CEP95: variants seen among roughly 807,000 people sequenced by gnomAD.
CEP95 encodes the protein centrosomal protein 95.
Under a neutral mutation model 111.2 loss-of-function variants are expected in CEP95, and 98 were observed. That is an observed-to-expected ratio of 0.88 (90% confidence interval 0.75 to 1.04). CEP95 has a LOEUF of 1.04. Ranked by LOEUF, CEP95 falls within the 50% of genes least tolerant of loss-of-function variation. The pLI, the probability that CEP95 is intolerant of heterozygous loss-of-function variation, is 0.00. For missense variants in CEP95, 1,027 were observed against 977.2 expected (o/e 1.05, Z -0.68); for synonymous variants, 323 against 327.1 (o/e 0.99, Z 0.14).
chr17:64,532,156 G>A (rs1968326592), intron 14 of CEP95, 134 bp downstream of exon 14: 1 of 1,362,752 alleles, frequency 7.3e-7, no homozygotes, highest in African/African-American at 1.5e-5. Context: ...CCCAATCACT[G>A]CCATGTGGCT....
intron 11 of CEP95, 62 bp downstream of exon 11, chr17:64,527,326 C>A: frequency 1.6e-6 from 2 of 1,278,976 alleles, no homozygotes; most frequent in Non-Finnish European, 2.1e-6. Context: ...GCAGTTCCAT[C>A]TGTTCTTAAT....
At chr17:64,515,514 A>G (rs2039094757) in intron 4 of CEP95, among the ~76,000 whole-genome samples, 1 of 152,158 alleles carries the variant, frequency 6.6e-6, no homozygotes, top group South Asian at 2.1e-4. Flanking sequence ...GTGCCTGGCT[A>G]ATGATATGGC....
At chr17:64,526,658 C>T (rs1468751923) in intron 10 of CEP95, among the ~76,000 whole-genome samples, 2 of 152,008 alleles carry the variant, frequency 1.3e-5, no homozygotes, top group African/African-American at 4.8e-5. Flanking sequence ...TGATATACAC[C>T]TTTTTAAAAC....
intron 10 of CEP95, among the ~76,000 whole-genome samples, chr17:64,526,611 T>TAGA (rs1967842458): frequency 4.6e-5 from 7 of 152,190 alleles, no homozygotes; most frequent in Admixed American, 2.6e-4. Context: ...TACGTGACTT[T>TAGA]TTCTAAAGTT....
intron 3 of CEP95, among the ~76,000 whole-genome samples, chr17:64,511,847 T>C (rs1182838170): frequency 1.3e-5 from 2 of 152,224 alleles, no homozygotes; most frequent in East Asian, 1.9e-4. Context: ...AACTAATAAA[T>C]GTCCATGAAA....
Position 64,536,675 on chromosome 17 carries a change from A to G in CEP95, c.2144A>G (p.Lys715Arg), listed in dbSNP as rs1968678997. 2 of 1,613,412 alleles carry G rather than the reference A, an allele frequency of 1.2e-6. No individual in the cohort carries two copies. The highest frequency in any genetic ancestry group is 1.7e-6 in the Non-Finnish European group (2 of 1,179,720). The change falls in exon 18 of 20, where the codon AAA becomes AGA. Residue 715 changes from lysine to arginine, a missense_variant. Transcript: ENST00000556440. ...QRLRDLRNYA[K>R]EKRDEQRRRH... ...TTACGAGACCTAAGAAACTATGCCA[A>G]AGAAAAGCGAGATGAACAAAGGAGA...
chr17:64,533,162 A>C lies in CEP95; in HGVS notation c.1888A>C (p.Lys630Gln), dbSNP rs781940766. The C allele has an allele frequency of 3.1e-6, 5 of 1,590,510 alleles. No homozygotes were observed. The highest frequency in any genetic ancestry group is 2.0e-5 in the Admixed American group (1 of 50,784). ...RRHDLLTTLV[K>Q]KEYEHNKRLQ... ...GCATGACCTCCTTACTACCCTTGTC[A>C]AGAAAGAATATGAACATAACAAGAG... The change falls in exon 16 of 20, where the codon AAG (lysine) becomes CAG (glutamine). Residue 630 changes from lysine to glutamine, a missense_variant. By Grantham distance (53) the Lys-to-Gln change is moderately conservative. Transcript: ENST00000556440.
intron 1 of CEP95, chr17:64,507,375 A>G: frequency 7.1e-7 from 1 of 1,403,100 alleles, no homozygotes; most frequent in Admixed American, 3.1e-5. Flanking sequence ...CTGGCTGTAA[A>G]AAGAGCGGTC....
At chr17:64,534,999 T>G in intron 17 of CEP95, 2 of 428,424 alleles carry the variant, frequency 4.7e-6, no homozygotes, top group Non-Finnish European at 8.7e-6. Context: ...CAGGTACTTC[T>G]CCAGTAAAAC....
At chr17:64,506,850 G>C (rs2038557550), upstream of CEP95, 3 of 608,932 alleles carry the variant, frequency 4.9e-6, no homozygotes, top group Admixed American at 8.1e-5. Context: ...ACGGGTTTTG[G>C]TCGGCGGAGA....
chr17:64,532,729 C>T (rs1555680558), intron 14 of CEP95, 110 bp from the exon 15 acceptor site: 1 of 1,465,084 alleles, frequency 6.8e-7, no homozygotes, highest in African/African-American at 1.4e-5. Context: ...TAGAATTGTT[C>T]TTTTCAGGAT....
Position 64,510,168 on chromosome 17 carries a change from C to A in CEP95, c.149-5C>A, listed in dbSNP as rs782167947. The A allele has an allele frequency of 3.8e-6, 6 of 1,572,378 alleles. No homozygotes were observed. The highest frequency in any genetic ancestry group is 5.2e-6 in the Non-Finnish European group (6 of 1,146,554). ...ACAAAATTATGTGATTTTTTCCCCC[C>A]CCAGACCTCATAGTTATTCCTAGGA... On this transcript the variant is annotated splice_polypyrimidine_tract_variant and splice_region_variant and intron_variant, in intron 2 of 19. Transcript: ENST00000556440.
At chr17:64,533,381 A>C (rs1555680860) in intron 16 of CEP95, among the ~76,000 whole-genome samples, 190 bp downstream of exon 16, 1 of 152,098 alleles carries the variant, frequency 6.6e-6, no homozygotes, top group Non-Finnish European at 1.5e-5. Context: ...GGCTGAGGTG[A>C]GAGGATCACT....
intron 10 of CEP95, among the ~76,000 whole-genome samples, chr17:64,526,404 C>A (rs1195218350): frequency 1.3e-5 from 2 of 152,080 alleles, no homozygotes; most frequent in Admixed American, 1.3e-4. Flanking sequence ...CAGATTTATC[C>A]AAATTTTATT....
At chr17:64,520,160 G>A (rs1555677294) in intron 6 of CEP95, among the ~76,000 whole-genome samples, 1 of 152,220 alleles carries the variant, frequency 6.6e-6, no homozygotes. Flanking sequence ...GATTGGGAAT[G>A]GAAGGGATGG....
chr17:64,534,646 G>T lies in CEP95; in HGVS notation c.1979G>T (p.Arg660Leu). 6.2e-7 allele frequency: 1 copy of T among 1,613,762 alleles called. No individual in the cohort carries two copies. Among genetic ancestry groups the T allele is most frequent in the South Asian group, 1.1e-5 (1 of 91,052 alleles). ...ACCCAATCAAAGATAAAAGAAAATC[G>T]ACAGCAAATCGTTCGTGCTCGAAAA... ...RLTQSKIKEN[R>L]QQIVRARKYY... Residue 660 changes from arginine (R) to leucine (L), a missense_variant, in exon 17 of 20, where the codon CGA becomes CTA. Physicochemically the swap from Arg to Leu is moderately radical, Grantham distance 102. Transcript: ENST00000556440.
chr17:64,515,097 G>A (rs1422619049), intron 4 of CEP95, among the ~76,000 whole-genome samples: 1 of 152,132 alleles, frequency 6.6e-6, no homozygotes, highest in African/African-American at 2.4e-5. Flanking sequence ...TTACTAAACT[G>A]TTTAAAAACT....
chr17:64,517,159 G>A (rs1210293797), intron 5 of CEP95, among the ~76,000 whole-genome samples: 7 of 152,220 alleles, frequency 4.6e-5, no homozygotes, highest in African/African-American at 1.7e-4. Context: ...GGATTCTCCT[G>A]CCTCAGCCTC....
chr17:64,516,947 A>C, intron 5 of CEP95, 119 bp downstream of exon 5: 1 of 577,848 alleles, frequency 1.7e-6, no homozygotes, highest in Non-Finnish European at 3.0e-6. Context: ...ACTTCTACTA[A>C]CTTCTCATAT....
Sources: allele counts gnomAD v4.1 joint callset (sites outside exome capture counted in the v4.1 genomes callset), GRCh38; gene constraint gnomAD v4.1.1; transcripts MANE v1.5; gene names NCBI Gene and HGNC (gene_info 2026-07-23, HGNC 2026-07-21).